HMBOX1: variants seen among roughly 807,000 people sequenced by gnomAD.
HMBOX1 encodes the protein homeobox containing 1, also known as homeobox-containing protein 1.
In HMBOX1, 14 loss-of-function variants were observed where a neutral mutation model predicts 54.5. The observed-to-expected ratio is 0.26, with a 90% CI of 0.17 to 0.40. The LOEUF is 0.40. Ranked by LOEUF, HMBOX1 falls within the 10% of genes least tolerant of loss-of-function variation. HMBOX1 has a pLI of 1.00. For synonymous variants in HMBOX1, 160 were observed against 181.0 expected, an observed-to-expected ratio of 0.88 and a Z score of 0.93; for missense variants, 332 against 514.4, an observed-to-expected ratio of 0.65 and a Z score of 3.43.
chr8:28,988,759 CTA>C (rs1474299135), intron 4 of HMBOX1, among the ~76,000 whole-genome samples: 2 of 151,698 alleles, frequency 1.3e-5, no homozygotes, highest in Admixed American at 1.3e-4. Flanking sequence ...AATCTTTTGT[CTA>C]TTTTTTTTAA....
intron 6 of HMBOX1, among the ~76,000 whole-genome samples, chr8:29,035,599 A>G (rs1255783460): frequency 6.6e-6 from 1 of 152,234 alleles, no homozygotes; most frequent in Non-Finnish European, 1.5e-5. Flanking sequence ...TTACTCAAAT[A>G]GTAGATGGGA....
At chr8:28,956,553 A>G (rs1824492427) in intron 1 of HMBOX1, among the ~76,000 whole-genome samples, 1 of 152,098 alleles carries the variant, frequency 6.6e-6, no homozygotes, top group East Asian at 1.9e-4. Flanking sequence ...TTTTTTTATT[A>G]TAATTTTAAA....
At chr8:28,916,734 T>C (rs1816636107) in intron 1 of HMBOX1, among the ~76,000 whole-genome samples, 1 of 152,120 alleles carries the variant, frequency 6.6e-6, no homozygotes, top group Non-Finnish European at 1.5e-5. Flanking sequence ...TTACAATCAG[T>C]TAATATGAGT....
At chr8:29,027,826 T>C (rs1387308466) in intron 6 of HMBOX1, among the ~76,000 whole-genome samples, 2 of 152,192 alleles carry the variant, frequency 1.3e-5, no homozygotes, top group African/African-American at 4.8e-5. Flanking sequence ...TGTATTTGGG[T>C]GTATCCAGGA....
chr8:28,953,488 G>A (rs890868708), intron 1 of HMBOX1, among the ~76,000 whole-genome samples: 7 of 151,960 alleles, frequency 4.6e-5, no homozygotes, highest in South Asian at 2.1e-4. Flanking sequence ...TTAACTTCTC[G>A]ATGAGTCACT....
intron 1 of HMBOX1, among the ~76,000 whole-genome samples, chr8:28,936,883 AT>A (rs1820500528): frequency 1.3e-5 from 2 of 151,988 alleles, no homozygotes; most frequent in South Asian, 4.1e-4. Flanking sequence ...TAAAAAAAAA[AT>A]GTTCATTCTA....
At chr8:28,969,945 C>T (rs539927626) in intron 2 of HMBOX1, 98 bp from the exon 3 acceptor site, 9 of 762,994 alleles carry the variant, frequency 1.2e-5, no homozygotes, top group South Asian at 8.8e-5. Context: ...AATACAGAAG[C>T]TTATGTAGAA....
chr8:28,986,383 T>A (rs927967607), intron 4 of HMBOX1, among the ~76,000 whole-genome samples: 6 of 152,254 alleles, frequency 3.9e-5, no homozygotes, highest in African/African-American at 9.6e-5. Context: ...AAGTGGAATT[T>A]CTATCTATAT....
At chr8:29,018,935 G>A (rs529719641) in intron 6 of HMBOX1, 22 bp downstream of exon 6, 35 of 1,612,014 alleles carry the variant, frequency 2.2e-5, no homozygotes, top group Middle Eastern at 1.7e-4. Flanking sequence ...CTTTTTCTAC[G>A]AATGATCTCC....
chr8:28,984,116 G>A lies in HMBOX1; in HGVS notation c.586+3960G>A, dbSNP rs538720901. ...TGAGTCTGAGTATGGAAGCCTTCTG[G>A]TCACCTAGAGCTCACTCCCTGCAGT... On this transcript the variant is annotated intron_variant, in intron 4 of 9. Coordinates refer to ENST00000287701, the MANE Select transcript of HMBOX1 (RefSeq NM_001135726.3). Among the ~76,000 whole-genome samples the A allele has an allele frequency of 8.0e-4, 121 of 152,198 alleles. 1 individual carries two copies. Among genetic ancestry groups the A allele is most frequent in the Non-Finnish European group, 1.6e-3 (107 of 68,012 alleles).
At chr8:29,004,071 G>T (rs1833072146) in intron 4 of HMBOX1, among the ~76,000 whole-genome samples, 1 of 152,110 alleles carries the variant, frequency 6.6e-6, no homozygotes, top group Admixed American at 6.6e-5. Flanking sequence ...AGTGTGGGGG[G>T]AAAGTAGAGT....
At chr8:29,007,773 A>T (rs1833671117) in intron 4 of HMBOX1, among the ~76,000 whole-genome samples, 1 of 152,084 alleles carries the variant, frequency 6.6e-6, no homozygotes, top group Non-Finnish European at 1.5e-5. Flanking sequence ...GCGCCACTGC[A>T]CTCCAGCCTG....
chr8:29,047,484 G>A, intron 8 of HMBOX1, 31 bp downstream of exon 8: 2 of 1,140,728 alleles, frequency 1.8e-6, no homozygotes, highest in Non-Finnish European at 2.7e-6. Flanking sequence ...CTTTTCTCTT[G>A]TGCAGCAGTT....
chr8:28,947,472 T>C (rs149334275), intron 1 of HMBOX1, among the ~76,000 whole-genome samples: 2,053 of 152,352 alleles, frequency 0.013, 13 homozygotes, highest in Non-Finnish European at 0.021. Flanking sequence ...CCTTCTTTTC[T>C]TCCTTTCAGC....
chr8:29,017,836 G>C lies in HMBOX1; in HGVS notation c.698-924G>C, dbSNP rs573779559. 3.3e-5 allele frequency among the ~76,000 whole-genome samples: 5 copies of C among 152,278 alleles called. No homozygotes were observed. The South Asian group carries it at 6.2e-4, about 19-fold the overall frequency. Reference sequence around the variant, plus strand: ...TATTATTTGCAAGGTACAATAAAGAGAGTATTAATTCTATTAGGAAGAAAT... The same window carrying C: ...TATTATTTGCAAGGTACAATAAAGACAGTATTAATTCTATTAGGAAGAAAT... On this transcript the variant is annotated intron_variant, in intron 5 of 9. Coordinates refer to ENST00000287701, the MANE Select transcript of HMBOX1 (RefSeq NM_001135726.3).
In HMBOX1 at chr8:28,971,887, A is replaced by G. The variant is rs1181192728; in HGVS notation, c.500+1368A>G. ...GATAAATTAGTTACAGTAGATTATGAAAGAAACTGTAACAGGAATTTGTCA... is the reference window on the plus strand; with the variant it reads ...GATAAATTAGTTACAGTAGATTATGGAAGAAACTGTAACAGGAATTTGTCA... On this transcript the variant is annotated intron_variant, in intron 3 of 9. Coordinates refer to ENST00000287701, the MANE Select transcript of HMBOX1 (RefSeq NM_001135726.3). 3.3e-5 allele frequency among the ~76,000 whole-genome samples: 5 copies of G among 152,274 alleles called. No homozygotes were observed. The South Asian group carries it at 6.2e-4, about 19-fold the overall frequency.
chr8:29,039,608 G>A (rs1804516708), intron 6 of HMBOX1, among the ~76,000 whole-genome samples: 1 of 151,870 alleles, frequency 6.6e-6, no homozygotes, highest in Admixed American at 6.6e-5. Flanking sequence ...GATACTTACT[G>A]TCTATTATAT....
chr8:28,921,468 G>A (rs963453417), intron 1 of HMBOX1, among the ~76,000 whole-genome samples: 1 of 152,192 alleles, frequency 6.6e-6, no homozygotes. Flanking sequence ...GTAGACTTGA[G>A]AAAGATTTTA....
intron 1 of HMBOX1, among the ~76,000 whole-genome samples, chr8:28,930,855 T>A (rs1014765627): frequency 1.3e-5 from 2 of 152,306 alleles, no homozygotes; most frequent in Admixed American, 1.3e-4. Flanking sequence ...AATTATTGTT[T>A]GATTTGTGTT....
Sources: gnomAD v4.1 joint callset for allele counts (sites outside exome capture counted in the v4.1 genomes callset) on GRCh38, gnomAD v4.1.1 for gene constraint, MANE v1.5 for transcripts, NCBI Gene and HGNC (gene_info 2026-07-23, HGNC 2026-07-21) for gene names.